Variants in PLA2G2C observed in about 807,000 individuals in gnomAD.
PLA2G2C encodes phospholipase A2 group IIC, also known as putative inactive group IIC secretory phospholipase A2.
A neutral mutation model predicts 14.3 loss-of-function variants in PLA2G2C; 15 were observed. That is an observed-to-expected ratio of 1.05 (90% confidence interval 0.70 to 1.62). The LOEUF is 1.62. PLA2G2C is among the 40% of genes most tolerant of loss of function. The probability of loss-of-function intolerance (pLI) is 0.00; values close to 1 mark genes in which losing one functional copy is unlikely to be tolerated. For missense variants in PLA2G2C, 162 were observed against 173.2 expected, an observed-to-expected ratio of 0.94 and a Z score of 0.36; for synonymous variants, 79 against 67.7, an observed-to-expected ratio of 1.17 and a Z score of -0.82.
chr1:20,174,351 T>C (rs1160343413), intron 3 of PLA2G2C, among the ~76,000 whole-genome samples: 1 of 152,230 alleles, frequency 6.6e-6, no homozygotes, highest in Non-Finnish European at 1.5e-5. Context: ...ATTCACCAGA[T>C]GACACCCACC....
At chr1:20,166,645 C>T (rs746309722) in intron 4 of PLA2G2C, among the ~76,000 whole-genome samples, 3 of 152,208 alleles carry the variant, frequency 2.0e-5, no homozygotes, top group Non-Finnish European at 2.9e-5. Context: ...GTCTCACTGT[C>T]TTCTGGTCCT....
At chr1:20,175,484 T>C (rs1041795334) in intron 2 of PLA2G2C, among the ~76,000 whole-genome samples, 1 of 152,172 alleles carries the variant, frequency 6.6e-6, no homozygotes, top group African/African-American at 2.4e-5. Flanking sequence ...GCAACATGAA[T>C]GGCAAAAGTT....
In PLA2G2C at chr1:20,163,740, C is replaced by A; in HGVS notation, c.*251G>T. On this transcript the variant is annotated 3_prime_UTR_variant, in exon 5 of 5. Transcript: ENST00000679259. ...TATATCCATGCATTTGTAGTCCTCC[C>A]CACTCCACAGAATGCCAGCTCCTGC... 2.0e-6 allele frequency: 1 copy of A among 493,016 alleles called. No individual in the cohort carries two copies. The highest frequency in any genetic ancestry group is 3.6e-6 in the Non-Finnish European group (1 of 277,258). 30.5% of individuals were successfully genotyped at this position (493,016 alleles called of 1,614,324 possible).
At chr1:20,184,475 A>T (rs1307208935) in intron 1 of PLA2G2C, 1 of 152,220 alleles carries the variant, frequency 6.6e-6, no homozygotes, top group Non-Finnish European at 1.5e-5. Context: ...GGATGACCAG[A>T]GTGTGTGAGG....
intron 4 of PLA2G2C, among the ~76,000 whole-genome samples, chr1:20,165,330 C>A (rs147636869): frequency 6.6e-6 from 1 of 152,340 alleles, no homozygotes; most frequent in Non-Finnish European, 1.5e-5. Context: ...AACTAAAGCT[C>A]TCTCTGGCCA....
chr1:20,183,109 A>G (rs988979087), intron 1 of PLA2G2C, among the ~76,000 whole-genome samples: 1 of 152,216 alleles, frequency 6.6e-6, no homozygotes, highest in Non-Finnish European at 1.5e-5. Context: ...GGAGATGTAC[A>G]CTGTAAGTGA....
In PLA2G2C at chr1:20,166,608, C is replaced by T. The variant is rs72970773; in HGVS notation, c.284-2451G>A. Among the ~76,000 whole-genome samples the T allele has an allele frequency of 3.9e-3, 590 of 152,338 alleles. 6 individuals are homozygous for T. Among genetic ancestry groups the T allele is most frequent in the African/African-American group, 0.014 (569 of 41,574 alleles). ...TTTTCTCACCTTCCTCAGCCACCTT[C>T]TTTCTCGTCCCTCTCTCTTTCTGTT... On this transcript the variant is annotated intron_variant, in intron 4 of 4. Coordinates refer to ENST00000679259, the MANE Select transcript of PLA2G2C (RefSeq NM_001367969.2).
intron 4 of PLA2G2C, among the ~76,000 whole-genome samples, chr1:20,172,015 G>A (rs542309077): frequency 1.3e-5 from 2 of 151,830 alleles, no homozygotes; most frequent in South Asian, 2.1e-4. Context: ...CGCCCGCCTC[G>A]GCCTCCCAAA....
At chr1:20,175,212 C>T (rs2018162560) in intron 2 of PLA2G2C, 67 bp from the exon 3 acceptor site, 1 of 1,610,766 alleles carries the variant, frequency 6.2e-7, no homozygotes, top group Admixed American at 1.7e-5. Flanking sequence ...CCTTGATGTC[C>T]CCTCCCCTTA....
At chr1:20,173,387 T>G (rs1186254702) in intron 3 of PLA2G2C, among the ~76,000 whole-genome samples, 1 of 152,196 alleles carries the variant, frequency 6.6e-6, no homozygotes, top group Non-Finnish European at 1.5e-5. Flanking sequence ...TAGTATCTGT[T>G]GCTATCTCAT....
At chr1:20,177,048 G>C (rs1464437693) in intron 2 of PLA2G2C, among the ~76,000 whole-genome samples, 1 of 152,170 alleles carries the variant, frequency 6.6e-6, no homozygotes, top group African/African-American at 2.4e-5. Context: ...ACTCTTGAGG[G>C]TGAGGGGGGT....
intron 1 of PLA2G2C, among the ~76,000 whole-genome samples, chr1:20,181,418 G>C (rs1460215903): frequency 6.6e-6 from 1 of 151,954 alleles, no homozygotes; most frequent in African/African-American, 2.4e-5. Flanking sequence ...TACCAGTAAG[G>C]GTAATTGAAG....
chr1:20,171,419 G>A (rs923682082), intron 4 of PLA2G2C, among the ~76,000 whole-genome samples: 20 of 152,180 alleles, frequency 1.3e-4, no homozygotes, highest in Admixed American at 9.2e-4. Context: ...AGGTCCTCCC[G>A]GTGCAGGGGT....
intron 2 of PLA2G2C, among the ~76,000 whole-genome samples, chr1:20,176,003 G>C (rs1035116435): frequency 6.7e-6 from 1 of 149,740 alleles, no homozygotes; most frequent in East Asian, 2.0e-4. Flanking sequence ...TCCGCCTCCC[G>C]GGTTCAGGCA....
At chr1:20,164,366 G>C (rs992821616) in intron 4 of PLA2G2C, among the ~76,000 whole-genome samples, 1 of 152,100 alleles carries the variant, frequency 6.6e-6, no homozygotes, top group Non-Finnish European at 1.5e-5. Flanking sequence ...GTGCATCTGC[G>C]TGCATTTGTG....
intron 1 of PLA2G2C, among the ~76,000 whole-genome samples, chr1:20,180,854 C>T (rs562743142): frequency 3.9e-5 from 6 of 152,360 alleles, no homozygotes; most frequent in South Asian, 2.1e-4. Context: ...GGTCCCTAGA[C>T]GCCACCATCT....
intron 3 of PLA2G2C, among the ~76,000 whole-genome samples, chr1:20,174,675 C>T (rs7545684): frequency 0.2 from 30,650 of 152,148 alleles, 3,291 homozygotes; most frequent in Middle Eastern, 0.25. Flanking sequence ...TTAAGAATTT[C>T]AAGATGGTGG....
intron 1 of PLA2G2C, among the ~76,000 whole-genome samples, chr1:20,184,984 T>C (rs2018342258): frequency 6.6e-6 from 1 of 151,884 alleles, no homozygotes; most frequent in Non-Finnish European, 1.5e-5. Context: ...CAGAACCCCA[T>C]TCTACAAAAA....
chr1:20,167,770 G>C (rs1459478957), intron 4 of PLA2G2C, among the ~76,000 whole-genome samples: 1 of 152,086 alleles, frequency 6.6e-6, no homozygotes, highest in African/African-American at 2.4e-5. Flanking sequence ...CTTCCCCAAG[G>C]CTCCTCTGCT....
Sources: allele counts gnomAD v4.1 joint callset (sites outside exome capture counted in the v4.1 genomes callset), GRCh38; gene constraint gnomAD v4.1.1; transcripts MANE v1.5; gene names NCBI Gene and HGNC (gene_info 2026-07-23, HGNC 2026-07-21).